The following PIEZO2 variants were observed in gnomAD, a reference collection of about 807,000 sequenced individuals.
PIEZO2 encodes the protein piezo-type mechanosensitive ion channel component 2.
PIEZO2 carries 172 observed loss-of-function variants against 337.3 expected under a neutral mutation model. That is an observed-to-expected ratio of 0.51 (90% confidence interval 0.45 to 0.58). PIEZO2 has a LOEUF of 0.58. PIEZO2 is among the 20% of genes least tolerant of loss of function. The pLI, the probability that PIEZO2 is intolerant of heterozygous loss-of-function variation, is 0.00. For missense variants in PIEZO2, 3,028 were observed against 3,391.3 expected (o/e 0.89, Z 2.66); for synonymous variants, 1,251 against 1,228.5 (o/e 1.02, Z -0.38).
intron 43 of PIEZO2, among the ~76,000 whole-genome samples, chr18:10,700,823 G>A (rs1010880453): frequency 1.3e-5 from 2 of 152,166 alleles, no homozygotes; most frequent in African/African-American, 4.8e-5. Context: ...GTAAGATTTA[G>A]GCAAATTCAA....
chr18:10,681,628 C>T, intron 51 of PIEZO2, 33 bp downstream of exon 51: 1 of 1,509,574 alleles, frequency 6.6e-7, no homozygotes. Flanking sequence ...GATGAGAGGT[C>T]TTCACAGAAA....
Position 10,861,242 on chromosome 18 carries a change from A to G in PIEZO2, c.493-4031T>C, listed in dbSNP as rs1357971386. On this transcript the variant is annotated intron_variant, in intron 5 of 55. Coordinates refer to ENST00000674853, the MANE Select transcript of PIEZO2 (RefSeq NM_001378183.1). The surrounding 1 kb of genome is among the most constrained non-coding windows in gnomAD (Gnocchi z 4.3). Reference sequence around the variant, plus strand: ...TGGCCTTGAGGCTAAGGAGGAGGAAAGGCTGTAAATAAAGATTTAACTTCC... The same window carrying G: ...TGGCCTTGAGGCTAAGGAGGAGGAAGGGCTGTAAATAAAGATTTAACTTCC... Among the ~76,000 whole-genome samples, 1 of 152,250 alleles carries G rather than the reference A, an allele frequency of 6.6e-6. No homozygotes were observed. Among genetic ancestry groups the G allele is most frequent in the Non-Finnish European group, 1.5e-5 (1 of 68,046 alleles).
At chr18:10,717,927 C>T (rs1007648333) in intron 37 of PIEZO2, among the ~76,000 whole-genome samples, 2 of 152,126 alleles carry the variant, frequency 1.3e-5, no homozygotes, top group African/African-American at 4.8e-5. Flanking sequence ...GAATTTGCTC[C>T]CTAAAAGCCT....
chr18:10,878,505 T>C lies in PIEZO2; in HGVS notation c.330-7090A>G, dbSNP rs181109482. ...GCACATGCAGATTTCATTGTCAAAA[T>C]TGGAAGCTATAACTCATTAAAACAT... On this transcript the variant is annotated intron_variant, in intron 4 of 55. Transcript: ENST00000674853. The surrounding 1 kb of genome is among the most constrained non-coding windows in gnomAD (Gnocchi z 4.3). 3.7e-3 allele frequency among the ~76,000 whole-genome samples: 571 copies of C among 152,292 alleles called. 4 individuals are homozygous for C. The highest frequency in any genetic ancestry group is 0.013 in the African/African-American group (525 of 41,550).
In PIEZO2 at chr18:10,748,522, T is replaced by C; in HGVS notation, c.4373A>G (p.Tyr1458Cys). The C allele has an allele frequency of 1.2e-5, 19 of 1,536,872 alleles. No individual in the cohort carries two copies. Among genetic ancestry groups the C allele is most frequent in the Non-Finnish European group, 1.6e-5 (18 of 1,146,816 alleles). The change falls in exon 30 of 56, where the codon TAT becomes TGT. Residue 1458 changes from tyrosine (Y) to cysteine (C), a missense_variant. Physicochemically the swap from Tyr to Cys is radical, Grantham distance 194. Around this residue, in one of 5 missense-constraint regions of PIEZO2, gnomAD observed 1,925 missense variants for 2,051.9 expected, o/e 0.94. Transcript: ENST00000674853. This position sits in a 1 kb window ranked among gnomAD's most constrained non-coding sequence, Gnocchi z 5.1. Reference sequence around the variant, plus strand: ...TATATCAGCCACAACATGTAGAAAATAATAACTCATGAAAACTCTTCTTTG... The same window carrying C: ...TATATCAGCCACAACATGTAGAAAACAATAACTCATGAAAACTCTTCTTTG... ...LLQRRVFMSYYFLHVVADIKA... is the reference protein window; with the variant it reads ...LLQRRVFMSYCFLHVVADIKA...
rs879907205 is a variant in PIEZO2 at position 10,994,417 on chromosome 18, TG to T, written c.161-14758del. Among the ~76,000 whole-genome samples the T allele has an allele frequency of 7.1e-3, 1,020 of 143,116 alleles. 4 individuals carry two copies. Among genetic ancestry groups the T allele is most frequent in the Non-Finnish European group, 0.01 (678 of 64,710 alleles). 93.9% of individuals were successfully genotyped at this position (143,116 alleles called of 152,430 possible). A position where few individuals can be genotyped will look rare whatever the true frequency, so the allele number is the denominator to read the frequency against. On this transcript the variant is annotated intron_variant, in intron 2 of 55. Transcript: ENST00000674853. ...TGTTCTTTCTTTTTTTTTTTTTTTT[TG>T]ATACTGAGTCTTGCTCTGTTGCTCT...
rs1245627524 is a variant in PIEZO2 at position 11,101,578 on chromosome 18, G to A, written c.65-35356C>T. 6.6e-6 allele frequency among the ~76,000 whole-genome samples: 1 copy of A among 152,172 alleles called. No homozygotes were observed. Among genetic ancestry groups the A allele is most frequent in the Non-Finnish European group, 1.5e-5 (1 of 68,024 alleles). On this transcript the variant is annotated intron_variant, in intron 1 of 55. Transcript: ENST00000674853. The surrounding 1 kb of genome is among the most constrained non-coding windows in gnomAD (Gnocchi z 4.4). ...TTAAAAGACGTTCCAGTGTAGAGGT[G>A]TTGAAATTTTTAAGTGAGAAAACAT...
chr18:10,875,158 G>T (rs775739013), intron 4 of PIEZO2, among the ~76,000 whole-genome samples: 6 of 151,860 alleles, frequency 4.0e-5, no homozygotes, highest in African/African-American at 1.2e-4. Flanking sequence ...TTTACAAATC[G>T]CCTCTAAACT....
chr18:10,712,535 T>C (rs1305606710), intron 39 of PIEZO2, among the ~76,000 whole-genome samples: 1 of 152,144 alleles, frequency 6.6e-6, no homozygotes, highest in African/African-American at 2.4e-5. Flanking sequence ...AAATTCAAAA[T>C]AAAGAATGAC....
In PIEZO2 at chr18:10,850,535, AGCCTT is replaced by A. The variant is rs2041514084; in HGVS notation, c.917+4813_917+4817del. ...TAGAAGTAATGTGGGCACTTGTTGCAGCCTTATTCATGAGAACAAAAATGAGAAAT... is the reference window on the plus strand; with the variant it reads ...TAGAAGTAATGTGGGCACTTGTTGCAATTCATGAGAACAAAAATGAGAAAT... On this transcript the variant is annotated intron_variant, in intron 7 of 55. Transcript: ENST00000674853. This position sits in a 1 kb window ranked among gnomAD's most constrained non-coding sequence, Gnocchi z 4.5. 1.3e-5 allele frequency among the ~76,000 whole-genome samples: 2 copies of A among 152,236 alleles called. No homozygotes were observed. Among genetic ancestry groups the A allele is most frequent in the Non-Finnish European group, 2.9e-5 (2 of 68,036 alleles).
chr18:10,674,447 A>T (rs1442840017), intron 54 of PIEZO2, among the ~76,000 whole-genome samples: 1 of 152,234 alleles, frequency 6.6e-6, no homozygotes, highest in African/African-American at 2.4e-5. Context: ...TGTGATGTGG[A>T]GCCCGGCCTT....
chr18:10,689,051 A>T (rs769856107), intron 49 of PIEZO2, among the ~76,000 whole-genome samples: 3 of 152,204 alleles, frequency 2.0e-5, no homozygotes, highest in African/African-American at 7.2e-5. Context: ...CAAGGAGGGT[A>T]TTTTGAGACG....
At chr18:10,966,020 T>C (rs1404112573) in intron 3 of PIEZO2, among the ~76,000 whole-genome samples, 1 of 152,278 alleles carries the variant, frequency 6.6e-6, no homozygotes, top group African/African-American at 2.4e-5. Context: ...ATGGATGCAA[T>C]AACAAATACA....
At chr18:10,950,131 G>A (rs1280295467) in intron 3 of PIEZO2, among the ~76,000 whole-genome samples, 2 of 152,172 alleles carry the variant, frequency 1.3e-5, no homozygotes, top group Admixed American at 6.5e-5. Context: ...ATTTTAATGA[G>A]GGTTAATATT....
At chr18:11,090,226 G>T (rs755559294) in intron 1 of PIEZO2, among the ~76,000 whole-genome samples, 1 of 152,096 alleles carries the variant, frequency 6.6e-6, no homozygotes, top group Admixed American at 6.5e-5. Context: ...CCTTTGATAG[G>T]CTGGCTGCCA....
chr18:10,934,061 T>A (rs115716253), intron 3 of PIEZO2, among the ~76,000 whole-genome samples: 3,062 of 152,348 alleles, frequency 0.02, 94 homozygotes, highest in African/African-American at 0.068. Flanking sequence ...ATACAGGTGG[T>A]AACTCAGGTG....
intron 1 of PIEZO2, among the ~76,000 whole-genome samples, chr18:11,082,944 A>G (rs1376506076): frequency 6.6e-6 from 1 of 152,232 alleles, no homozygotes; most frequent in African/African-American, 2.4e-5. Flanking sequence ...AACACATAGG[A>G]TGCAGGAATG....
At position 10,677,260 on chromosome 18, in the gene PIEZO2, C is replaced by T. The variant is rs2034051823; in HGVS notation, c.8081+487G>A. Among the ~76,000 whole-genome samples, 1 of 152,128 alleles carries T rather than the reference C, an allele frequency of 6.6e-6. No homozygotes were observed. The highest frequency in any genetic ancestry group is 6.5e-5 in the Admixed American group (1 of 15,268). On this transcript the variant is annotated intron_variant, in intron 53 of 55. Transcript: ENST00000674853. The surrounding 1 kb of genome is among the most constrained non-coding windows in gnomAD (Gnocchi z 4.1). ...TGAAATGGAGTCTCACTCTGTTGCC[C>T]AGGCTGGAGTGCAGTGCTGCGATCT...
At chr18:10,730,529 T>C (rs1215675832) in intron 36 of PIEZO2, among the ~76,000 whole-genome samples, 2 of 150,594 alleles carry the variant, frequency 1.3e-5, no homozygotes, top group Admixed American at 6.6e-5. Flanking sequence ...GTGAATCACC[T>C]GCACTTCAAC....
Sources: gnomAD v4.1 joint callset for allele counts (sites outside exome capture counted in the v4.1 genomes callset) on GRCh38, gnomAD v4.1.1 for gene constraint, gnomAD v4.1.1 regional missense constraint, Gnocchi (gnomAD v3.1) non-coding constraint, MANE v1.5 for transcripts, NCBI Gene and HGNC (gene_info 2026-07-23, HGNC 2026-07-21) for gene names.